RPS6KC1: variants seen among roughly 807,000 people sequenced by gnomAD.
The protein encoded by RPS6KC1 is ribosomal protein S6 kinase C1, also known as inactive ribosomal protein S6 kinase delta-1.
In RPS6KC1, 54 loss-of-function variants were observed where a neutral mutation model predicts 103.8. The observed-to-expected ratio is 0.52, with a 90% CI of 0.42 to 0.65. The LOEUF is 0.65. Ranked by LOEUF, RPS6KC1 falls within the 30% of genes least tolerant of loss-of-function variation. The pLI is 0.00. For synonymous variants in RPS6KC1, 439 were observed against 438.7 expected (o/e 1.00, Z -0.01); for missense variants, 1,151 against 1,253.8 (o/e 0.92, Z 1.24).
chr1:213,371,527 C>T, the RPS6KC1 span, among the ~76,000 whole-genome samples: 1 of 152,156 alleles, frequency 6.6e-6, no homozygotes, highest in Non-Finnish European at 1.5e-5. Flanking sequence ...TGCTGTTTTC[C>T]ATAGTGGCTG....
At chr1:213,853,495 T>C in the RPS6KC1 span, among the ~76,000 whole-genome samples, 44,274 of 152,080 alleles carry the variant, frequency 0.29, 7,288 homozygotes, top group East Asian at 0.5. Context: ...CACAAAATAA[T>C]TGTAGCTTCT....
At chr1:213,853,312 G>A in the RPS6KC1 span, among the ~76,000 whole-genome samples, 1 of 152,298 alleles carries the variant, frequency 6.6e-6, no homozygotes, top group East Asian at 1.9e-4. Context: ...AAATTATGGA[G>A]CCAAGATGAT....
the RPS6KC1 span, among the ~76,000 whole-genome samples, chr1:213,664,084 T>C: frequency 2.6e-5 from 4 of 151,572 alleles, no homozygotes; most frequent in African/African-American, 9.7e-5. Context: ...CCTGACCTTC[T>C]CTGGCCTGCA....
chr1:213,572,057 T>C, the RPS6KC1 span, among the ~76,000 whole-genome samples: 7 of 152,200 alleles, frequency 4.6e-5, no homozygotes, highest in African/African-American at 1.4e-4. Context: ...TCCCTAGATA[T>C]GGATAACACT....
chr1:213,338,762 T>C, the RPS6KC1 span, among the ~76,000 whole-genome samples: 1 of 144,406 alleles, frequency 6.9e-6, no homozygotes, highest in African/African-American at 2.6e-5. Context: ...TCTAGAAGTC[T>C]TGCAGCATTT....
chr1:213,287,601 G>A, the RPS6KC1 span, among the ~76,000 whole-genome samples: 1 of 152,080 alleles, frequency 6.6e-6, no homozygotes, highest in Non-Finnish European at 1.5e-5. Flanking sequence ...TTTTTTGCAA[G>A]CACCGTTTTG....
the RPS6KC1 span, among the ~76,000 whole-genome samples, chr1:213,685,629 CAA>C: frequency 2.1e-4 from 20 of 95,628 alleles, no homozygotes; most frequent in Non-Finnish European, 1.4e-4. Flanking sequence ...GACTCCATTT[CAA>C]AAAAAAAAAA....
chr1:213,364,834 T>A, the RPS6KC1 span, among the ~76,000 whole-genome samples: 6 of 151,952 alleles, frequency 3.9e-5, no homozygotes, highest in South Asian at 1.2e-3. Flanking sequence ...GGCGGGCACC[T>A]GTTTTTCCAG....
the RPS6KC1 span, among the ~76,000 whole-genome samples, chr1:213,827,471 G>A: frequency 0.022 from 3,294 of 152,290 alleles, 67 homozygotes; most frequent in Non-Finnish European, 0.032. Flanking sequence ...AAAATGAAGA[G>A]CACTGTTGTT....
intron 4 of RPS6KC1, among the ~76,000 whole-genome samples, chr1:213,112,179 TTAG>T (rs1366428231): frequency 3.3e-5 from 5 of 152,146 alleles, no homozygotes; most frequent in Non-Finnish European, 1.5e-5. Flanking sequence ...TATTATTCTG[TTAG>T]TAGTGTTTGG....
chr1:213,376,005 G>A, the RPS6KC1 span, among the ~76,000 whole-genome samples: 2 of 152,008 alleles, frequency 1.3e-5, no homozygotes, highest in Non-Finnish European at 2.9e-5. Flanking sequence ...GTCCTGGCTT[G>A]GGTCAGATGT....
chr1:213,496,336 AAAT>A, the RPS6KC1 span, among the ~76,000 whole-genome samples: 3 of 152,328 alleles, frequency 2.0e-5, no homozygotes, highest in Non-Finnish European at 2.9e-5. Context: ...TCTGTAAAAA[AAAT>A]AATAACAGTA....
At position 213,242,577 on chromosome 1, in the gene RPS6KC1, C is replaced by G. The variant is rs770797967; in HGVS notation, c.2830C>G (p.Gln944Glu). 6.4e-7 allele frequency: 1 copy of G among 1,568,202 alleles called. No individual in the cohort carries two copies. The highest frequency in any genetic ancestry group is 8.7e-7 in the Non-Finnish European group (1 of 1,149,244). ...TGTCGTTTTGTTTTTAGGACACATTCAGCTAACGTATTTTAGCAGGTGGAG... is the reference window on the plus strand; with the variant it reads ...TGTCGTTTTGTTTTTAGGACACATTGAGCTAACGTATTTTAGCAGGTGGAG... ...NILLNDRGHI[Q>E]LTYFSRWSEV... Residue 944 changes from glutamine to glutamate, a missense_variant, in exon 12 of 15, where the codon CAG (glutamine) becomes GAG (glutamate). This residue lies in a region of RPS6KC1 where 189 missense variants were observed against 228.8 expected (regional missense o/e 0.83). Coordinates refer to ENST00000366960, the MANE Select transcript of RPS6KC1 (RefSeq NM_012424.6).
chr1:213,340,718 T>A, the RPS6KC1 span, among the ~76,000 whole-genome samples: 4 of 152,264 alleles, frequency 2.6e-5, no homozygotes, highest in Non-Finnish European at 5.9e-5. Flanking sequence ...TTAACTCAGA[T>A]ATTCTTGCAA....
At chr1:213,424,174 A>T in the RPS6KC1 span, among the ~76,000 whole-genome samples, 5 of 152,224 alleles carry the variant, frequency 3.3e-5, no homozygotes, top group African/African-American at 1.2e-4. Context: ...GAAGTGAGAA[A>T]ATAAACCTCT....
chr1:213,119,682 T>C (rs550892576), intron 5 of RPS6KC1, among the ~76,000 whole-genome samples: 2 of 151,924 alleles, frequency 1.3e-5, no homozygotes, highest in South Asian at 4.2e-4. Context: ...TAGGAGCCTA[T>C]TTTAGTATAA....
the RPS6KC1 span, among the ~76,000 whole-genome samples, chr1:213,379,710 A>G: frequency 6.6e-6 from 1 of 152,192 alleles, no homozygotes; most frequent in Non-Finnish European, 1.5e-5. Flanking sequence ...CTCCAAGGGT[A>G]TCCTGCAGGC....
At chr1:213,311,893 C>CTT in the RPS6KC1 span, among the ~76,000 whole-genome samples, 734 of 127,328 alleles carry the variant, frequency 5.8e-3, 21 homozygotes, top group East Asian at 0.042. Flanking sequence ...TCAGGAGGAT[C>CTT]TTTTTTTTTT....
chr1:213,186,593 A>AT (rs1361654913), intron 8 of RPS6KC1, among the ~76,000 whole-genome samples: 1 of 151,798 alleles, frequency 6.6e-6, no homozygotes. Context: ...GTGTTCTGAG[A>AT]TTTTTTTGTA....
Sources: allele counts gnomAD v4.1 joint callset (sites outside exome capture counted in the v4.1 genomes callset), GRCh38; gene constraint gnomAD v4.1.1; regional missense constraint gnomAD v4.1.1; transcripts MANE v1.5; gene names NCBI Gene and HGNC (gene_info 2026-07-23, HGNC 2026-07-21).